The following SEPTIN7 variants were observed in gnomAD, a reference collection of about 807,000 sequenced individuals.
The protein encoded by SEPTIN7 is septin 7, also known as septin-7.
SEPTIN7 carries 10 observed loss-of-function variants against 63.3 expected under a neutral mutation model. The ratio of observed to expected loss-of-function variants is 0.16; its 90% CI spans 0.10 to 0.27. The LOEUF is 0.27. Among genes scored for constraint, SEPTIN7 ranks in the 10% least tolerant of loss-of-function variants. The pLI, the probability that SEPTIN7 is intolerant of heterozygous loss-of-function variation, is 1.00. For synonymous variants in SEPTIN7, 131 were observed against 165.3 expected, an observed-to-expected ratio of 0.79 and a Z score of 1.59; for missense variants, 310 against 521.0, an observed-to-expected ratio of 0.59 and a Z score of 3.94.
chr7:35,841,320 G>A (rs1432820614), intron 3 of SEPTIN7, among the ~76,000 whole-genome samples: 1 of 152,142 alleles, frequency 6.6e-6, no homozygotes, highest in Non-Finnish European at 1.5e-5. Flanking sequence ...GTTTCATTTA[G>A]CAGTCTTTTA....
At chr7:35,840,889 C>T (rs1190455381) in intron 3 of SEPTIN7, among the ~76,000 whole-genome samples, 3 of 151,990 alleles carry the variant, frequency 2.0e-5, no homozygotes, top group African/African-American at 7.3e-5. Context: ...AAAAAGCATG[C>T]CATTATCTTA....
At chr7:35,874,764 T>A (rs1007103810) in intron 6 of SEPTIN7, among the ~76,000 whole-genome samples, 2 of 152,166 alleles carry the variant, frequency 1.3e-5, no homozygotes, top group African/African-American at 2.4e-5. Flanking sequence ...ACTGCCAGAT[T>A]GTAGTGGAGT....
chr7:35,806,742 G>T (rs1318452669), intron 1 of SEPTIN7, among the ~76,000 whole-genome samples: 1 of 152,080 alleles, frequency 6.6e-6, no homozygotes, highest in Non-Finnish European at 1.5e-5. Context: ...CCATGAATTA[G>T]TTTTTTTGTT....
rs191406669 is a variant in SEPTIN7 at position 35,822,958 on chromosome 7, A to G, written c.62-8534A>G. Among the ~76,000 whole-genome samples, 321 of 152,276 alleles carry G rather than the reference A, an allele frequency of 2.1e-3. 2 individuals carry two copies. Among genetic ancestry groups the G allele is most frequent in the Middle Eastern group, 0.01 (3 of 294 alleles). The stretch of plus-strand genomic sequence containing the variant: ...TCTGGGACATTTTTGGCCCATGTGT[A>G]AGACACTTTCAGTAAGTTAGCTTCA... On this transcript the variant is annotated intron_variant, in intron 1 of 13. Coordinates refer to ENST00000350320, the MANE Select transcript of SEPTIN7 (RefSeq NM_001788.6).
intron 6 of SEPTIN7, among the ~76,000 whole-genome samples, chr7:35,874,625 A>G (rs565878247): frequency 5.9e-5 from 9 of 152,186 alleles, no homozygotes; most frequent in East Asian, 3.9e-4. Context: ...GTGTAAACCA[A>G]TTCCTTCAAG....
In SEPTIN7 at chr7:35,872,137, A is replaced by G. The variant is rs1291776362; in HGVS notation, c.277-529A>G. 2.0e-5 allele frequency among the ~76,000 whole-genome samples: 3 copies of G among 152,308 alleles called. No homozygotes were observed. The East Asian group carries it at 5.8e-4, about 29-fold the overall frequency. ...CTAGCCATAACATAAATACAAGGGT[A>G]ATACATCCATGCTGAGAAAGATTAA... On this transcript the variant is annotated intron_variant, in intron 4 of 13. Transcript: ENST00000350320.
At chr7:35,846,942 A>G (rs891261246) in intron 3 of SEPTIN7, 2 of 152,316 alleles carry the variant, frequency 1.3e-5, no homozygotes, top group Non-Finnish European at 1.5e-5. Flanking sequence ...GCAGATACCA[A>G]ATTTGACATT....
At chr7:35,885,057 C>T (rs1787145039) in intron 9 of SEPTIN7, among the ~76,000 whole-genome samples, 1 of 151,908 alleles carries the variant, frequency 6.6e-6, no homozygotes, top group Non-Finnish European at 1.5e-5. Flanking sequence ...GCTATGTTGC[C>T]CAACTGGCCT....
intron 11 of SEPTIN7, among the ~76,000 whole-genome samples, chr7:35,896,008 A>G (rs1446967214): frequency 3.3e-5 from 5 of 152,076 alleles, no homozygotes; most frequent in African/African-American, 1.2e-4. Flanking sequence ...ATGGAGTTTC[A>G]CCATGTTGGC....
chr7:35,898,379 C>T lies in SEPTIN7; in HGVS notation c.1130C>T (p.Ala377Val). The change falls in exon 12 of 14, where the codon GCT becomes GTT. Residue 377 changes from alanine to valine, a missense_variant. By Grantham distance (64) the Ala-to-Val change is moderately conservative (BLOSUM62 0). This residue lies in a region of SEPTIN7 where 255 missense variants were observed against 490.5 expected (regional missense o/e 0.52). Coordinates refer to ENST00000350320, the MANE Select transcript of SEPTIN7 (RefSeq NM_001788.6). ...EKVQKLKDSEAELQRRHEQMK... is the reference protein window; with the variant it reads ...EKVQKLKDSEVELQRRHEQMK... ...GTTCAAAAACTGAAGGACTCTGAAG[C>T]TGAGGTAATCAGTCTAATATCCCAT... is the stretch of plus-strand genomic sequence containing the variant. 3 of 1,542,586 alleles carry T rather than the reference C, an allele frequency of 1.9e-6. No individual in the cohort carries two copies. The highest frequency in any genetic ancestry group is 2.4e-5 in the South Asian group (2 of 83,408).
chr7:35,851,861 T>G (rs1021100638), intron 3 of SEPTIN7, among the ~76,000 whole-genome samples: 7 of 152,192 alleles, frequency 4.6e-5, no homozygotes, highest in Admixed American at 3.9e-4. Context: ...GAAATTAATA[T>G]TAATGTTCAA....
At chr7:35,803,182 T>C (rs1415006809) in intron 1 of SEPTIN7, 2 of 941,226 alleles carry the variant, frequency 2.1e-6, no homozygotes, top group Non-Finnish European at 2.5e-6. Context: ...TTGGAGATAT[T>C]TGATGCATAC....
chr7:35,893,943 A>C (rs1787804114), intron 11 of SEPTIN7, among the ~76,000 whole-genome samples: 1 of 152,186 alleles, frequency 6.6e-6, no homozygotes, highest in African/African-American at 2.4e-5. Flanking sequence ...GTATGGAGCC[A>C]TCCAAGTACT....
rs765391313 is a variant in SEPTIN7 at position 35,905,004 on chromosome 7, A to G, written c.*711A>G. The G allele has an allele frequency of 3.3e-5, 5 of 152,660 alleles. No homozygotes were observed. Among genetic ancestry groups the G allele is most frequent in the Non-Finnish European group, 5.9e-5 (4 of 68,034 alleles). 9.5% of individuals were successfully genotyped at this position (152,660 alleles called of 1,614,324 possible). ...CATATATTGGCACTGCTAAAATAGA[A>G]TATAGCATCTTTCATATGGTAGGAA... On this transcript the variant is annotated 3_prime_UTR_variant, in exon 14 of 14. Coordinates refer to ENST00000350320, the MANE Select transcript of SEPTIN7 (RefSeq NM_001788.6).
chr7:35,882,381 G>T, intron 7 of SEPTIN7, 103 bp from the exon 8 acceptor site: 1 of 813,174 alleles, frequency 1.2e-6, no homozygotes, highest in Non-Finnish European at 1.7e-6. Context: ...AAAGGATCTG[G>T]AACCAAGGAC....
At chr7:35,896,096 A>C (rs2116360724) in intron 11 of SEPTIN7, among the ~76,000 whole-genome samples, 1 of 152,336 alleles carries the variant, frequency 6.6e-6, no homozygotes, top group South Asian at 2.1e-4. Flanking sequence ...GGTGTGAACC[A>C]CCGTGCCCGG....
chr7:35,847,380 C>A, intron 3 of SEPTIN7: 1 of 165,684 alleles, frequency 6.0e-6, no homozygotes. Flanking sequence ...ATCAGGGCCC[C>A]CGGGTAACTG....
Position 35,842,678 on chromosome 7 carries a change from A to G in SEPTIN7, c.169+9778A>G, listed in dbSNP as rs547758671. On this transcript the variant is annotated intron_variant, in intron 3 of 13. Coordinates refer to ENST00000350320, the MANE Select transcript of SEPTIN7 (RefSeq NM_001788.6). ...TTTTATATAATTAGAAGTGTACGTCATTATTTACTGCACATGATTACTGTG... is the reference window on the plus strand; with the variant it reads ...TTTTATATAATTAGAAGTGTACGTCGTTATTTACTGCACATGATTACTGTG... Among the ~76,000 whole-genome samples the G allele has an allele frequency of 3.9e-4, 60 of 152,328 alleles. 1 individual carries two copies. In the South Asian group the frequency reaches 0.012, roughly 30 times the overall value.
chr7:35,890,820 A>G, intron 11 of SEPTIN7, 27 bp downstream of exon 11: 1 of 1,478,816 alleles, frequency 6.8e-7, no homozygotes. Flanking sequence ...TTCTCCAAAA[A>G]GGTATTATTT....
Sources: gnomAD v4.1 joint callset for allele counts (sites outside exome capture counted in the v4.1 genomes callset) on GRCh38, gnomAD v4.1.1 for gene constraint, gnomAD v4.1.1 regional missense constraint, MANE v1.5 for transcripts, NCBI Gene and HGNC (gene_info 2026-07-23, HGNC 2026-07-21) for gene names.